The following CRACD variants were observed in gnomAD, a reference collection of about 807,000 sequenced individuals.
CRACD encodes the protein capping protein-inhibiting regulator of actin dynamics.
Under a neutral mutation model 106.8 loss-of-function variants are expected in CRACD, and 56 were observed. That is an observed-to-expected ratio of 0.52 (90% CI 0.42 to 0.66). The LOEUF (loss-of-function observed/expected upper bound fraction) is 0.66, where lower values mean the gene tolerates loss of function less well. CRACD is among the 30% of genes least tolerant of loss of function. CRACD has a pLI of 0.00. For synonymous variants in CRACD, 754 were observed against 670.8 expected, an observed-to-expected ratio of 1.12 and a Z score of -1.92; for missense variants, 1,730 against 1,623.2, an observed-to-expected ratio of 1.07 and a Z score of -1.13.
intron 2 of CRACD, among the ~76,000 whole-genome samples, chr4:56,254,334 T>C (rs1425084383): frequency 1.1e-4 from 16 of 151,856 alleles, no homozygotes; most frequent in African/African-American, 3.9e-4. Context: ...TCCCACCCAG[T>C]CTGGAATCCT....
chr4:56,100,250 CG>C (rs1397004891), intron 1 of CRACD, among the ~76,000 whole-genome samples: 1 of 151,226 alleles, frequency 6.6e-6, no homozygotes, highest in Admixed American at 6.6e-5. Context: ...CTTGCGGGGA[CG>C]GGGGGGAAGG....
At chr4:56,175,726 C>T (rs1017077231) in intron 1 of CRACD, among the ~76,000 whole-genome samples, 56 of 152,248 alleles carry the variant, frequency 3.7e-4, no homozygotes, top group African/African-American at 1.3e-3. Context: ...TGTTTTCTCA[C>T]ATTCTGTTGG....
At chr4:56,188,711 C>CACACACACACACACAGAGAGAGAG (rs1446016845) in intron 2 of CRACD, among the ~76,000 whole-genome samples, 3 of 113,110 alleles carry the variant, frequency 2.7e-5, no homozygotes, top group African/African-American at 1.2e-4. Flanking sequence ...CACACACACA[C>CACACACACACACACAGAGAGAGAG]AGAGAGAGAG....
intron 1 of CRACD, among the ~76,000 whole-genome samples, chr4:56,177,773 C>G (rs546606880): frequency 4.6e-5 from 7 of 152,194 alleles, no homozygotes; most frequent in Admixed American, 3.9e-4. Flanking sequence ...ACCATTTCAT[C>G]TAGGTTTTCT....
At chr4:56,127,400 G>A (rs1734693966) in intron 1 of CRACD, among the ~76,000 whole-genome samples, 1 of 152,166 alleles carries the variant, frequency 6.6e-6, no homozygotes, top group African/African-American at 2.4e-5. Context: ...AGCCTGTAGA[G>A]GAAAGAGAGG....
intron 1 of CRACD, among the ~76,000 whole-genome samples, chr4:56,156,514 A>G (rs1201155446): frequency 2.0e-5 from 3 of 152,244 alleles, no homozygotes; most frequent in African/African-American, 7.2e-5. Flanking sequence ...TGAAGCTTCA[A>G]TAACATTTCA....
chr4:56,171,229 C>T (rs1340920924), intron 1 of CRACD, among the ~76,000 whole-genome samples: 9 of 150,234 alleles, frequency 6.0e-5, no homozygotes, highest in African/African-American at 1.5e-4. Flanking sequence ...CAAACCTGCA[C>T]GTTGTGCACA....
chr4:56,057,814 G>GTTTTTTTTTTTTTTTTTTTT (rs1167413474), intron 1 of CRACD, among the ~76,000 whole-genome samples: 13 of 67,324 alleles, frequency 1.9e-4, no homozygotes, highest in Non-Finnish European at 2.4e-4. Flanking sequence ...TTTTTTTTTT[G>GTTTTTTTTTTTTTTTTTTTT]TTTTTTTTTT....
At chr4:56,247,836 A>C (rs1487442707) in intron 2 of CRACD, among the ~76,000 whole-genome samples, 2 of 127,242 alleles carry the variant, frequency 1.6e-5, no homozygotes, top group East Asian at 4.9e-4. Flanking sequence ...ACAGAGTGAG[A>C]CTCCATCTTA....
At position 56,329,824 on chromosome 4, in the gene CRACD, C is replaced by A. The variant is rs1746691912; in HGVS notation, c.*2020C>A. ...GCTTTGGACAATATCCCAATTATGG[C>A]AGGGAACAGGTGGGGAACTAAGATC... On this transcript the variant is annotated 3_prime_UTR_variant, in exon 11 of 11. Coordinates refer to ENST00000682029, the MANE Select transcript of CRACD (RefSeq NM_001393381.1). Among the ~76,000 whole-genome samples, 2 of 152,118 alleles carry A rather than the reference C, an allele frequency of 1.3e-5. No individual in the cohort carries two copies. Among genetic ancestry groups the A allele is most frequent in the African/African-American group, 4.8e-5 (2 of 41,418 alleles).
At chr4:56,246,369 G>C (rs1289138007) in intron 2 of CRACD, 2 of 152,222 alleles carry the variant, frequency 1.3e-5, no homozygotes, top group African/African-American at 4.8e-5. Flanking sequence ...GTCTGTAACT[G>C]CAGGGTCGGG....
chr4:56,298,730 C>G (rs928857420), intron 4 of CRACD, among the ~76,000 whole-genome samples: 4 of 151,968 alleles, frequency 2.6e-5, no homozygotes, highest in African/African-American at 9.7e-5. Flanking sequence ...GCCAGGAATT[C>G]AAAAGCAGCC....
At chr4:56,197,268 A>T (rs181238564) in intron 2 of CRACD, among the ~76,000 whole-genome samples, 14 of 139,940 alleles carry the variant, frequency 1.0e-4, no homozygotes, top group Admixed American at 3.5e-4. Context: ...GGCAGAGATT[A>T]AAAAAAAAAA....
intron 2 of CRACD, among the ~76,000 whole-genome samples, chr4:56,269,222 A>C (rs1742205626): frequency 6.6e-6 from 1 of 152,026 alleles, no homozygotes; most frequent in Non-Finnish European, 1.5e-5. Flanking sequence ...GTCTCTACTA[A>C]AAATATAAAA....
At chr4:56,228,812 A>G (rs1739456182) in intron 2 of CRACD, among the ~76,000 whole-genome samples, 1 of 152,168 alleles carries the variant, frequency 6.6e-6, no homozygotes, top group African/African-American at 2.4e-5. Flanking sequence ...TATGTAGGTT[A>G]GTGAAAAGTA....
At chr4:56,153,080 A>G (rs1008702922) in intron 1 of CRACD, among the ~76,000 whole-genome samples, 2 of 151,970 alleles carry the variant, frequency 1.3e-5, no homozygotes, top group Non-Finnish European at 2.9e-5. Context: ...GGAGTTCGAG[A>G]CCAGCCTGGG....
intron 1 of CRACD, among the ~76,000 whole-genome samples, chr4:56,067,730 C>A (rs1041142375): frequency 3.9e-5 from 6 of 152,136 alleles, no homozygotes; most frequent in Non-Finnish European, 8.8e-5. Context: ...AGTGCGCCAC[C>A]ATGTCCAGCT....
chr4:56,142,801 C>A (rs1392368800), intron 1 of CRACD, among the ~76,000 whole-genome samples: 1 of 151,954 alleles, frequency 6.6e-6, no homozygotes, highest in East Asian at 1.9e-4. Context: ...AATATAATTT[C>A]TTCTATGCTG....
At chr4:56,289,978 G>A (rs1194841605) in intron 3 of CRACD, among the ~76,000 whole-genome samples, 1 of 152,184 alleles carries the variant, frequency 6.6e-6, no homozygotes, top group African/African-American at 2.4e-5. Flanking sequence ...TGGACTCCAT[G>A]AGCACAGAGG....
Sources: allele counts gnomAD v4.1 joint callset (sites outside exome capture counted in the v4.1 genomes callset), GRCh38; gene constraint gnomAD v4.1.1; transcripts MANE v1.5; gene names NCBI Gene and HGNC (gene_info 2026-07-23, HGNC 2026-07-21).